Variants in PCDHA9 observed in about 807,000 individuals in gnomAD.
The protein encoded by PCDHA9 is protocadherin alpha 9.
PCDHA9 carries 62 observed loss-of-function variants against 62.0 expected under a neutral mutation model. That is an observed-to-expected ratio of 1.00 (90% CI 0.81 to 1.23). PCDHA9 has a LOEUF of 1.23. Among genes scored for constraint, PCDHA9 ranks in the 50% most tolerant of loss-of-function variants. The probability of loss-of-function intolerance (pLI) is 0.00; values close to 1 mark genes in which losing one functional copy is unlikely to be tolerated. For synonymous variants in PCDHA9, 557 were observed against 567.6 expected, an observed-to-expected ratio of 0.98 and a Z score of 0.27; for missense variants, 1,205 against 1,249.8, an observed-to-expected ratio of 0.96 and a Z score of 0.54.
chr5:140,941,191 T>TTTTTCTTTCTTTC lies in PCDHA9; in HGVS notation c.2395-37755_2395-37754insTCTTTCTTTCTTT, dbSNP rs1554213809. On this transcript the variant is annotated intron_variant, in intron 1 of 3. Transcript: ENST00000532602. ...CATCTTGAACATCCTGCTTCTTTTT[T>TTTTTCTTTCTTTC]TTTCTTTCTTCCTTTCTTTCTTCCT... Among the ~76,000 whole-genome samples the TTTTTCTTTCTTTC allele has an allele frequency of 1.3e-4, 12 of 93,256 alleles. No individual in the cohort carries two copies. In the East Asian group the frequency reaches 2.9e-3, roughly 23 times the overall value. 61.2% of individuals were successfully genotyped at this position (93,256 alleles called of 152,430 possible). A position where few individuals can be genotyped will look rare whatever the true frequency, so the allele number is the denominator to read the frequency against.
chr5:140,933,695 G>A lies in PCDHA9; in HGVS notation c.2395-45254G>A, dbSNP rs575994908. On this transcript the variant is annotated intron_variant, in intron 1 of 3. Coordinates refer to ENST00000532602, the MANE Select transcript of PCDHA9 (RefSeq NM_031857.2). ...TCTCACATTTTTTTTCCTATTCCTCGGACACATTTACTGAGATTGGTGATA... is the reference window on the plus strand; with the variant it reads ...TCTCACATTTTTTTTCCTATTCCTCAGACACATTTACTGAGATTGGTGATA... Among the ~76,000 whole-genome samples the A allele has an allele frequency of 1.8e-4, 27 of 151,494 alleles. 1 individual carries two copies. The South Asian group carries it at 3.7e-3, about 21-fold the overall frequency.
At chr5:140,969,175 T>C in intron 1 of PCDHA9, 7 of 1,613,046 alleles carry the variant, frequency 4.3e-6, no homozygotes, top group Non-Finnish European at 5.9e-6. Context: ...GCTCAGGGAG[T>C]GACACTTTCA....
chr5:140,968,637 T>C, intron 1 of PCDHA9: 1 of 1,614,208 alleles, frequency 6.2e-7, no homozygotes. Flanking sequence ...TTTTACCATC[T>C]AGCCCAGACT....
At position 140,876,007 on chromosome 5, in the gene PCDHA9, G is replaced by A. The variant is rs1177191662; in HGVS notation, c.2394+25118G>A. 9 of 1,613,658 alleles carry A rather than the reference G, an allele frequency of 5.6e-6. No individual in the cohort carries two copies. Among genetic ancestry groups the A allele is most frequent in the Non-Finnish European group, 7.6e-6 (9 of 1,179,880 alleles). ...TGCGTTAAGTCTAAATGAGAATTTTGAGCTTAAAATAAAAACAAAAAAAGA... is the reference window on the plus strand; with the variant it reads ...TGCGTTAAGTCTAAATGAGAATTTTAAGCTTAAAATAAAAACAAAAAAAGA... On this transcript the variant is annotated intron_variant, in intron 1 of 3. Transcript: ENST00000532602.
At chr5:140,854,216 A>G in intron 1 of PCDHA9, 1 of 633,308 alleles carries the variant, frequency 1.6e-6, no homozygotes, top group Non-Finnish European at 2.0e-6. Flanking sequence ...TCAATATTGG[A>G]CATCTACATT....
chr5:140,986,776 C>G (rs916981139), intron 3 of PCDHA9, among the ~76,000 whole-genome samples: 5 of 152,098 alleles, frequency 3.3e-5, no homozygotes, highest in Non-Finnish European at 7.3e-5. Context: ...AATTAGGTAG[C>G]GGAAGCCACT....
At chr5:140,871,519 A>C in intron 1 of PCDHA9, 1 of 1,554,010 alleles carries the variant, frequency 6.4e-7, no homozygotes, top group Non-Finnish European at 8.7e-7. Context: ...GATTCCACCT[A>C]TCAGGAAGTG....
At position 140,929,224 on chromosome 5, in the gene PCDHA9, G is replaced by A. The variant is rs138816649; in HGVS notation, c.2395-49725G>A. 8.1e-6 allele frequency: 13 copies of A among 1,613,792 alleles called. No individual in the cohort carries two copies. In the African/African-American group the frequency reaches 1.5e-4, roughly 18 times the overall value. ...GCTGTTGCGTGGGGAGTACAATGCT[G>A]CCGACCTGCGAAATCTTGCCACTGG... On this transcript the variant is annotated intron_variant, in intron 1 of 3. Transcript: ENST00000532602.
At chr5:140,863,749 G>A (rs1346198553) in intron 1 of PCDHA9, 2 of 245,258 alleles carry the variant, frequency 8.2e-6, no homozygotes, top group African/African-American at 2.2e-5. Context: ...TTGTAATCCC[G>A]GCACTTTGGG....
At chr5:140,968,050 C>T (rs782392575) in intron 1 of PCDHA9, 12 of 1,614,178 alleles carry the variant, frequency 7.4e-6, no homozygotes, top group Admixed American at 1.7e-5. Flanking sequence ...GCCCACTGGA[C>T]CGAGAGCGGG....
chr5:140,863,348 C>T, intron 1 of PCDHA9: 2 of 1,313,382 alleles, frequency 1.5e-6, no homozygotes, highest in Non-Finnish European at 2.1e-6. Flanking sequence ...CTGCTGTACA[C>T]GACGCTGCGG....
At chr5:140,908,706 T>C (rs2074108716) in intron 1 of PCDHA9, among the ~76,000 whole-genome samples, 1 of 152,132 alleles carries the variant, frequency 6.6e-6, no homozygotes, top group South Asian at 2.1e-4. Context: ...TCAAGCACCA[T>C]TGGATCTGCT....
chr5:140,995,998 C>T (rs1197239441), intron 3 of PCDHA9, among the ~76,000 whole-genome samples: 1 of 152,192 alleles, frequency 6.6e-6, no homozygotes, highest in Non-Finnish European at 1.5e-5. Context: ...TCAAAAATGT[C>T]GTCAGAACTA....
intron 1 of PCDHA9, among the ~76,000 whole-genome samples, chr5:140,895,253 C>A (rs2153449431): frequency 6.6e-6 from 1 of 152,084 alleles, no homozygotes; most frequent in East Asian, 1.9e-4. Context: ...TCAAAGCTTT[C>A]TTTTTTTTCT....
At chr5:140,958,953 T>A (rs1489065015) in intron 1 of PCDHA9, among the ~76,000 whole-genome samples, 2 of 144,196 alleles carry the variant, frequency 1.4e-5, no homozygotes, top group Non-Finnish European at 3.1e-5. Flanking sequence ...ATTATATTAT[T>A]ATAATTGTTC....
chr5:140,861,504 G>A (rs900432439), intron 1 of PCDHA9: 5 of 480,672 alleles, frequency 1.0e-5, no homozygotes, highest in African/African-American at 2.0e-5. Context: ...GATAGACCTC[G>A]AGGAGCTGTG....
At chr5:140,976,369 G>A (rs1464114589) in intron 1 of PCDHA9, among the ~76,000 whole-genome samples, 1 of 151,996 alleles carries the variant, frequency 6.6e-6, no homozygotes, top group Non-Finnish European at 1.5e-5. Flanking sequence ...TGGCCAACAT[G>A]GTGAAACCCC....
chr5:140,877,509 G>T (rs781824762), intron 1 of PCDHA9: 21 of 1,613,700 alleles, frequency 1.3e-5, no homozygotes, highest in Non-Finnish European at 1.7e-5. Flanking sequence ...CAAAGACGTC[G>T]TCGCGGGCCT....
chr5:140,959,107 C>A (rs1330357931), intron 1 of PCDHA9, among the ~76,000 whole-genome samples: 1 of 151,920 alleles, frequency 6.6e-6, no homozygotes, highest in South Asian at 2.1e-4. Context: ...CAGCAGGGGT[C>A]CGAAGGTGGG....
Sources: allele counts gnomAD v4.1 joint callset (sites outside exome capture counted in the v4.1 genomes callset), GRCh38; gene constraint gnomAD v4.1.1; transcripts MANE v1.5; gene names NCBI Gene and HGNC (gene_info 2026-07-23, HGNC 2026-07-21).